Variants in RIMS2 observed in about 807,000 individuals in gnomAD.
RIMS2 encodes the protein regulating synaptic membrane exocytosis protein 2.
A neutral mutation model predicts 174.4 loss-of-function variants in RIMS2; 59 were observed. That is an observed-to-expected ratio of 0.34 (90% CI 0.27 to 0.42). The LOEUF (loss-of-function observed/expected upper bound fraction) is 0.42. Among genes scored for constraint, RIMS2 ranks in the 10% least tolerant of loss-of-function variants. The pLI is 1.00. For synonymous variants in RIMS2, 606 were observed against 572.5 expected (o/e 1.06, Z -0.84); for missense variants, 1,620 against 1,666.3 (o/e 0.97, Z 0.48).
intron 1 of RIMS2, among the ~76,000 whole-genome samples, chr8:103,504,761 T>G (rs1186852069): frequency 1.3e-5 from 2 of 151,932 alleles, no homozygotes; most frequent in African/African-American, 4.8e-5. Flanking sequence ...TTTAAAATAA[T>G]TCAATTTTAA....
intron 10 of RIMS2, among the ~76,000 whole-genome samples, chr8:103,922,868 G>A (rs1057505669): frequency 6.6e-6 from 1 of 151,774 alleles, no homozygotes; most frequent in Non-Finnish European, 1.5e-5. Flanking sequence ...AAAATCATTA[G>A]ACATGTCTTT....
intron 2 of RIMS2, among the ~76,000 whole-genome samples, chr8:103,763,632 A>G (rs1021242081): frequency 1.3e-5 from 2 of 152,194 alleles, no homozygotes; most frequent in African/African-American, 4.8e-5. Flanking sequence ...AGCAGTGTGC[A>G]TAGCCCAGGC....
intron 3 of RIMS2, among the ~76,000 whole-genome samples, chr8:103,836,639 T>A (rs190976030): frequency 1.1e-3 from 171 of 152,296 alleles, no homozygotes; most frequent in Middle Eastern, 3.4e-3. Context: ...AACAATAATT[T>A]TTTGGGTCTT....
intron 19 of RIMS2, among the ~76,000 whole-genome samples, chr8:104,113,770 C>A (rs2098234969): frequency 6.6e-6 from 1 of 151,562 alleles, no homozygotes; most frequent in African/African-American, 2.4e-5. Flanking sequence ...CTTTTATGCT[C>A]CAGCCCTAGA....
chr8:103,630,309 G>C (rs2095880266), intron 1 of RIMS2, among the ~76,000 whole-genome samples: 1 of 151,926 alleles, frequency 6.6e-6, no homozygotes, highest in South Asian at 2.1e-4. Flanking sequence ...TTTTTGAAAT[G>C]CTGTAACAAA....
intron 4 of RIMS2, among the ~76,000 whole-genome samples, chr8:103,902,465 A>G (rs1293670604): frequency 1.3e-5 from 2 of 152,136 alleles, no homozygotes; most frequent in African/African-American, 4.8e-5. Flanking sequence ...ATGGGCTACA[A>G]TCAGTCCTCT....
intron 1 of RIMS2, among the ~76,000 whole-genome samples, chr8:103,534,247 C>T (rs1405590240): frequency 6.6e-6 from 1 of 152,212 alleles, no homozygotes; most frequent in Non-Finnish European, 1.5e-5. Context: ...ACTTTATATG[C>T]TTCCTATGCT....
chr8:104,129,225 A>T (rs1192730957), intron 19 of RIMS2, among the ~76,000 whole-genome samples: 1 of 129,538 alleles, frequency 7.7e-6, no homozygotes, highest in Admixed American at 7.7e-5. Context: ...GTCTCTATTA[A>T]AAAAAAAAAA....
intron 1 of RIMS2, among the ~76,000 whole-genome samples, chr8:103,667,420 C>T (rs532606030): frequency 1.3e-4 from 20 of 152,244 alleles, no homozygotes; most frequent in Middle Eastern, 3.4e-3. Context: ...AAAAAGAGAC[C>T]GCCCATCTGG....
At chr8:103,821,888 G>A (rs971505814) in intron 3 of RIMS2, among the ~76,000 whole-genome samples, 1 of 151,496 alleles carries the variant, frequency 6.6e-6, no homozygotes, top group Non-Finnish European at 1.5e-5. Flanking sequence ...CAAGAATTTA[G>A]ATTTTTTTTC....
chr8:103,801,094 C>G (rs1053346838), intron 3 of RIMS2, among the ~76,000 whole-genome samples: 1 of 152,104 alleles, frequency 6.6e-6, no homozygotes, highest in Non-Finnish European at 1.5e-5. Flanking sequence ...TGGCAATTCT[C>G]CTGCATCAGC....
chr8:104,081,495 A>G (rs2097420061), intron 19 of RIMS2, among the ~76,000 whole-genome samples: 1 of 151,978 alleles, frequency 6.6e-6, no homozygotes, highest in Non-Finnish European at 1.5e-5. Flanking sequence ...ATTTTTCAAA[A>G]TTTCAAAAAA....
chr8:104,005,608 CAG>C (rs2095545649), intron 17 of RIMS2, among the ~76,000 whole-genome samples: 1 of 152,114 alleles, frequency 6.6e-6, no homozygotes. Context: ...GAGAAGATAT[CAG>C]GGGGCAGTGG....
chr8:103,864,446 G>A (rs1479277764), intron 3 of RIMS2, among the ~76,000 whole-genome samples: 1 of 152,112 alleles, frequency 6.6e-6, no homozygotes, highest in African/African-American at 2.4e-5. Context: ...TCATTTAGGA[G>A]CAAGTTAATT....
intron 1 of RIMS2, among the ~76,000 whole-genome samples, chr8:103,606,779 C>T (rs565784562): frequency 6.6e-6 from 1 of 151,864 alleles, no homozygotes; most frequent in South Asian, 2.1e-4. Flanking sequence ...CTCTTTTGAT[C>T]TTTGTTGGTT....
chr8:103,735,930 A>G (rs1437313455), intron 2 of RIMS2, among the ~76,000 whole-genome samples: 2 of 152,296 alleles, frequency 1.3e-5, no homozygotes, highest in South Asian at 2.1e-4. Flanking sequence ...TTTGTGCATC[A>G]TCTTAGATTC....
At chr8:104,051,843 T>A (rs1021114221) in intron 19 of RIMS2, among the ~76,000 whole-genome samples, 1 of 152,162 alleles carries the variant, frequency 6.6e-6, no homozygotes, top group Non-Finnish European at 1.5e-5. Flanking sequence ...GCTGATTAAG[T>A]GACAGACATA....
chr8:104,089,035 A>C (rs1380535652), intron 19 of RIMS2, among the ~76,000 whole-genome samples: 1 of 151,936 alleles, frequency 6.6e-6, no homozygotes, highest in African/African-American at 2.4e-5. Flanking sequence ...AGTATGTACA[A>C]AACATTAAAA....
chr8:103,825,913 C>T (rs1210689115), intron 3 of RIMS2, among the ~76,000 whole-genome samples: 2 of 152,178 alleles, frequency 1.3e-5, no homozygotes, highest in East Asian at 3.9e-4. Context: ...TTGGTGATGC[C>T]ATATGCTTTC....
Sources: allele counts gnomAD v4.1 joint callset (sites outside exome capture counted in the v4.1 genomes callset), GRCh38; gene constraint gnomAD v4.1.1; transcripts MANE v1.5; gene names NCBI Gene and HGNC (gene_info 2026-07-23, HGNC 2026-07-21).